Variants in TCF20 observed in about 807,000 individuals in gnomAD.
TCF20 encodes the protein SPRE-binding protein.
Under a neutral mutation model 148.6 loss-of-function variants are expected in TCF20, and 3 were observed. The observed-to-expected ratio is 0.02, with a 90% CI of 0.01 to 0.05. The LOEUF (loss-of-function observed/expected upper bound fraction) is 0.05. Among genes scored for constraint, TCF20 ranks in the 10% least tolerant of loss-of-function variants. TCF20 has a pLI of 1.00. For synonymous variants in TCF20, 1,049 were observed against 909.5 expected (o/e 1.15, Z -2.76); for missense variants, 2,350 against 2,429.3 (o/e 0.97, Z 0.69).
intron 3 of TCF20, among the ~76,000 whole-genome samples, 197 bp downstream of exon 3, chr22:42,179,412 A>G (rs553957045): frequency 6.6e-6 from 1 of 151,058 alleles, no homozygotes; most frequent in South Asian, 2.1e-4. Flanking sequence ...AGAAAACAGA[A>G]TAGTGGTTGC....
chr22:42,333,153 C>T (rs1003176856), intron 1 of TCF20, among the ~76,000 whole-genome samples: 5 of 152,264 alleles, frequency 3.3e-5, no homozygotes, highest in Admixed American at 6.5e-5. Flanking sequence ...GGAGCTGCCC[C>T]ACTGTGCAGA....
chr22:42,182,868 C>G (rs578248864), intron 2 of TCF20, among the ~76,000 whole-genome samples: 52 of 152,314 alleles, frequency 3.4e-4, no homozygotes, highest in African/African-American at 1.2e-3. Context: ...TCCCAAGTAG[C>G]TAGGATTACA....
chr22:42,325,227 C>G (rs1015266736), intron 1 of TCF20, among the ~76,000 whole-genome samples: 15 of 152,258 alleles, frequency 9.9e-5, no homozygotes, highest in African/African-American at 3.6e-4. Flanking sequence ...GCCACCACCT[C>G]TGTGCTCCCC....
At chr22:42,250,186 T>C (rs1982169651) in intron 1 of TCF20, among the ~76,000 whole-genome samples, 1 of 152,090 alleles carries the variant, frequency 6.6e-6, no homozygotes, top group African/African-American at 2.4e-5. Flanking sequence ...ACATCTGTAA[T>C]CCCAGCACTT....
chr22:42,223,594 A>G (rs1922577880), intron 1 of TCF20, among the ~76,000 whole-genome samples: 1 of 152,096 alleles, frequency 6.6e-6, no homozygotes, highest in Non-Finnish European at 1.5e-5. Context: ...TTAAACAAGC[A>G]AAATATTCAT....
chr22:42,164,114 G>A (rs1372361900), intron 5 of TCF20, among the ~76,000 whole-genome samples: 1 of 152,038 alleles, frequency 6.6e-6, no homozygotes, highest in Non-Finnish European at 1.5e-5. Flanking sequence ...AGAGAGGGAG[G>A]ATATGAAGGG....
intron 1 of TCF20, among the ~76,000 whole-genome samples, chr22:42,306,478 T>C (rs1165305556): frequency 6.6e-6 from 1 of 152,294 alleles, no homozygotes; most frequent in Admixed American, 6.5e-5. Flanking sequence ...CAGGAGAAAC[T>C]TCCTTTGCCC....
intron 1 of TCF20, among the ~76,000 whole-genome samples, chr22:42,252,261 C>T (rs1052960531): frequency 6.9e-6 from 1 of 145,174 alleles, no homozygotes; most frequent in Non-Finnish European, 1.5e-5. Context: ...CCAGCCTGGG[C>T]GACAGAACGA....
intron 2 of TCF20, among the ~76,000 whole-genome samples, chr22:42,204,708 G>A (rs1335613808): frequency 6.6e-6 from 1 of 151,998 alleles, no homozygotes; most frequent in East Asian, 1.9e-4. Flanking sequence ...AGCCAGGTGT[G>A]GTGGTGCATG....
intron 3 of TCF20, among the ~76,000 whole-genome samples, chr22:42,174,708 G>T (rs1267628860): frequency 6.6e-6 from 1 of 151,896 alleles, no homozygotes. Flanking sequence ...GTGAGACCCT[G>T]TCTCAAAAAA....
rs777693860 is a variant in TCF20 at position 42,209,773 on chromosome 22, G to C, written c.5533C>G (p.Leu1845Val). 1.2e-6 allele frequency: 2 copies of C among 1,614,062 alleles called. No homozygotes were observed. Among genetic ancestry groups the C allele is most frequent in the Admixed American group, 3.3e-5 (2 of 60,004 alleles). The change falls in exon 2 of 6, where the codon CTA becomes GTA. Residue 1845 changes from leucine to valine, a missense_variant. Around this residue, in one of 7 missense-constraint regions of TCF20, gnomAD observed 374 missense variants for 398.3 expected, o/e 0.94. Transcript: ENST00000677622. ...CAAAATTCATTGCTGTCAAGAGGTA[G>C]TTCAGGGATTTGTAACTCCAGCTCA... ...GPELELQIPE[L>V]PLDSNEFWVH...
At chr22:42,230,807 GT>G (rs1953647523) in intron 1 of TCF20, among the ~76,000 whole-genome samples, 1 of 145,918 alleles carries the variant, frequency 6.9e-6, no homozygotes. Context: ...TAATGCATGT[GT>G]TTGTGTCTTA....
At position 42,290,014 on chromosome 22, in the gene TCF20, G is replaced by A. The variant is rs1927104265; in HGVS notation, c.-37+53465C>T. ...TTCTCCTCGGCGTGTGCAGGCGGCC[G>A]GGGCGATGTTCCAGGAATATTAATT... On this transcript the variant is annotated intron_variant, in intron 1 of 1. Coordinates refer to the TCF20 transcript ENST00000515426. The surrounding 1 kb of genome is among the most constrained non-coding windows in gnomAD (Gnocchi z 4.2). Among the ~76,000 whole-genome samples the A allele has an allele frequency of 6.6e-6, 1 of 152,222 alleles. No homozygotes were observed. The highest frequency in any genetic ancestry group is 2.1e-4 in the South Asian group (1 of 4,838).
chr22:42,316,101 C>T (rs942502190), intron 1 of TCF20, among the ~76,000 whole-genome samples: 1 of 124,002 alleles, frequency 8.1e-6, no homozygotes, highest in African/African-American at 3.2e-5. Flanking sequence ...GAACAAGACT[C>T]TGTCTCAAAA....
At chr22:42,289,283 C>T (rs1000418211) in intron 1 of TCF20, among the ~76,000 whole-genome samples, 1 of 152,150 alleles carries the variant, frequency 6.6e-6, no homozygotes, top group Non-Finnish European at 1.5e-5. Context: ...CACCAGTGCT[C>T]TCTCCCTGCC....
intron 1 of TCF20, among the ~76,000 whole-genome samples, chr22:42,253,820 G>C (rs540889992): frequency 2.0e-5 from 3 of 152,184 alleles, no homozygotes; most frequent in Non-Finnish European, 4.4e-5. Context: ...GCTCATGCCT[G>C]TAATCCCAGC....
intron 2 of TCF20, among the ~76,000 whole-genome samples, chr22:42,186,389 A>AT (rs1937048370): frequency 6.6e-6 from 1 of 152,254 alleles, no homozygotes; most frequent in Non-Finnish European, 1.5e-5. Context: ...TTTACAAACT[A>AT]GAAAGTTATG....
Position 42,279,572 on chromosome 22 carries a change from G to A in TCF20, c.-37+4255C>T, listed in dbSNP as rs1926855276. 6.6e-6 allele frequency among the ~76,000 whole-genome samples: 1 copy of A among 152,212 alleles called. No individual in the cohort carries two copies. The highest frequency in any genetic ancestry group is 1.5e-5 in the Non-Finnish European group (1 of 68,040). On this transcript the variant is annotated intron_variant, in intron 1 of 5. Coordinates refer to the TCF20 transcript ENST00000359486. This position sits in a 1 kb window ranked among gnomAD's most constrained non-coding sequence, Gnocchi z 4.3. ...TCAGCCTTTTCACCCGTAGAACAGG[G>A]ACATTAACATCACCCCCGAGTGAGG...
intron 1 of TCF20, among the ~76,000 whole-genome samples, chr22:42,254,395 G>C (rs1925604660): frequency 6.6e-6 from 1 of 152,170 alleles, no homozygotes; most frequent in Non-Finnish European, 1.5e-5. Flanking sequence ...TTATATTCCA[G>C]CTCATTTAAA....
Sources: gnomAD v4.1 joint callset for allele counts (sites outside exome capture counted in the v4.1 genomes callset) on GRCh38, gnomAD v4.1.1 for gene constraint, gnomAD v4.1.1 regional missense constraint, Gnocchi (gnomAD v3.1) non-coding constraint, MANE v1.5 for transcripts, NCBI Gene and HGNC (gene_info 2026-07-23, HGNC 2026-07-21) for gene names.